CADPS2: variants seen among roughly 807,000 people sequenced by gnomAD.
The protein encoded by CADPS2 is calcium-dependent secretion activator 2.
A neutral mutation model predicts 172.5 loss-of-function variants in CADPS2; 93 were observed. The ratio of observed to expected loss-of-function variants is 0.54; its 90% CI spans 0.46 to 0.64. The LOEUF (loss-of-function observed/expected upper bound fraction) is 0.64. CADPS2 is among the 30% of genes least tolerant of loss of function. The pLI is 0.00. For synonymous variants in CADPS2, 546 were observed against 555.2 expected, an observed-to-expected ratio of 0.98 and a Z score of 0.23; for missense variants, 1,420 against 1,565.9, an observed-to-expected ratio of 0.91 and a Z score of 1.57.
intron 25 of CADPS2, 37 bp from the exon 26 acceptor site, chr7:122,361,050 T>C: frequency 1.3e-6 from 2 of 1,523,654 alleles, no homozygotes; most frequent in South Asian, 2.3e-5. Context: ...AGAATGTTAC[T>C]ATGCATACAA....
chr7:122,374,769 T>A (rs1043933179), intron 25 of CADPS2, among the ~76,000 whole-genome samples: 1 of 152,138 alleles, frequency 6.6e-6, no homozygotes, highest in African/African-American at 2.4e-5. Flanking sequence ...AGATACCTAA[T>A]GTAGGTGACG....
At chr7:122,660,194 T>C (rs1359518577) in intron 3 of CADPS2, among the ~76,000 whole-genome samples, 1 of 152,172 alleles carries the variant, frequency 6.6e-6, no homozygotes, top group Non-Finnish European at 1.5e-5. Context: ...TATAGCATAT[T>C]ATAAATGAAG....
chr7:122,666,390 CT>C (rs2081197126), intron 2 of CADPS2, among the ~76,000 whole-genome samples: 1 of 147,682 alleles, frequency 6.8e-6, no homozygotes, highest in Admixed American at 6.9e-5. Flanking sequence ...GTCACCCAGG[CT>C]GGAGTGCAAT....
intron 25 of CADPS2, among the ~76,000 whole-genome samples, chr7:122,361,908 T>C (rs2040199988): frequency 6.6e-6 from 1 of 151,962 alleles, no homozygotes; most frequent in African/African-American, 2.4e-5. Context: ...ACCCCGTCTC[T>C]ACTAAAAGTA....
rs985382665 is a variant in CADPS2 at position 122,319,713 on chromosome 7, G to C, written c.*452C>G. 1 of 152,800 alleles carries C rather than the reference G, an allele frequency of 6.5e-6. No homozygotes were observed. The highest frequency in any genetic ancestry group is 2.4e-5 in the African/African-American group (1 of 41,414). 9.5% of individuals were successfully genotyped at this position (152,800 alleles called of 1,614,324 possible). A position where few individuals can be genotyped will look rare whatever the true frequency, so the allele number is the denominator to read the frequency against. ...CTGGCACATAAATTATAATTTGTAAGGTACACACCATTTTAACAAGGATAC... is the reference window on the plus strand; with the variant it reads ...CTGGCACATAAATTATAATTTGTAACGTACACACCATTTTAACAAGGATAC... On this transcript the variant is annotated 3_prime_UTR_variant, in exon 30 of 30. Transcript: ENST00000449022.
intron 15 of CADPS2, among the ~76,000 whole-genome samples, chr7:122,443,769 TAA>T (rs1210507877): frequency 6.6e-6 from 1 of 150,644 alleles, no homozygotes; most frequent in South Asian, 2.1e-4. Flanking sequence ...TTTTGGTATT[TAA>T]ACTTTATATC....
chr7:122,831,332 C>T (rs1018112588), intron 1 of CADPS2, among the ~76,000 whole-genome samples: 1 of 152,166 alleles, frequency 6.6e-6, no homozygotes. Context: ...TGGGTGTTTT[C>T]GCTCAACTGG....
intron 27 of CADPS2, among the ~76,000 whole-genome samples, chr7:122,360,340 T>C (rs2039963026): frequency 6.6e-6 from 1 of 152,206 alleles, no homozygotes; most frequent in South Asian, 2.1e-4. Context: ...AAACAACAAA[T>C]GTTAAAATAA....
rs535566575 is a variant in CADPS2 at position 122,335,025 on chromosome 7, T to C, written c.3613-9444A>G. On this transcript the variant is annotated intron_variant, in intron 28 of 29. Coordinates refer to ENST00000449022, the MANE Select transcript of CADPS2 (RefSeq NM_017954.11). ...GTTTCAACTTTCTATTCTCACTAGATTCCTATTGAGTAATTGTGACATAGA... is the reference window on the plus strand; with the variant it reads ...GTTTCAACTTTCTATTCTCACTAGACTCCTATTGAGTAATTGTGACATAGA... Among the ~76,000 whole-genome samples, 12 of 152,290 alleles carry C rather than the reference T, an allele frequency of 7.9e-5. No homozygotes were observed. In the East Asian group the frequency reaches 1.5e-3, roughly 20 times the overall value.
intron 22 of CADPS2, among the ~76,000 whole-genome samples, chr7:122,391,347 C>G (rs1379776994): frequency 6.6e-6 from 1 of 151,832 alleles, no homozygotes. Context: ...TAAAAAAGGG[C>G]CCTCAATAAG....
At chr7:122,352,314 G>C (rs2151048881) in intron 27 of CADPS2, among the ~76,000 whole-genome samples, 1 of 152,202 alleles carries the variant, frequency 6.6e-6, no homozygotes, top group South Asian at 2.1e-4. Flanking sequence ...TACTACATGA[G>C]GACTTGAAGA....
intron 1 of CADPS2, among the ~76,000 whole-genome samples, chr7:122,821,129 A>G (rs1584639967): frequency 6.6e-6 from 1 of 151,652 alleles, no homozygotes; most frequent in African/African-American, 2.4e-5. Flanking sequence ...TCCTGATACC[A>G]CACCTGACCC....
chr7:122,635,003 C>T lies in CADPS2; in HGVS notation c.787-5675G>A, dbSNP rs111913539. 2.2e-3 allele frequency among the ~76,000 whole-genome samples: 340 copies of T among 152,178 alleles called. 3 individuals carry two copies. The highest frequency in any genetic ancestry group is 8.0e-3 in the African/African-American group (334 of 41,510). On this transcript the variant is annotated intron_variant, in intron 3 of 29. Transcript: ENST00000449022. ...TTGATTTCTACTTTTATTGCCCTGT[C>T]GTCCAAAAGGATGCTTGGTAGTATT...
chr7:122,590,033 C>T (rs779256258), intron 6 of CADPS2, among the ~76,000 whole-genome samples: 1 of 151,808 alleles, frequency 6.6e-6, no homozygotes. Context: ...GATGTTTGCA[C>T]TATGCAAAAT....
At chr7:122,817,812 T>C (rs985218936) in intron 1 of CADPS2, among the ~76,000 whole-genome samples, 5 of 151,824 alleles carry the variant, frequency 3.3e-5, no homozygotes, top group Non-Finnish European at 5.9e-5. Context: ...CAATCCCTTA[T>C]TTCCATGCCC....
chr7:122,761,102 A>C (rs2093365398), intron 1 of CADPS2, among the ~76,000 whole-genome samples: 1 of 152,134 alleles, frequency 6.6e-6, no homozygotes, highest in South Asian at 2.1e-4. Flanking sequence ...TCTCCTAACA[A>C]ATTCTACACT....
intron 9 of CADPS2, among the ~76,000 whole-genome samples, chr7:122,511,537 G>C (rs957797529): frequency 1.3e-5 from 2 of 152,108 alleles, no homozygotes; most frequent in Non-Finnish European, 2.9e-5. Context: ...CTGAACATCT[G>C]TGGTTATTGG....
At chr7:122,703,646 G>C (rs951913973) in intron 2 of CADPS2, among the ~76,000 whole-genome samples, 3 of 152,176 alleles carry the variant, frequency 2.0e-5, no homozygotes, top group African/African-American at 7.2e-5. Context: ...CCAAGGACAA[G>C]AGAAACACAC....
intron 8 of CADPS2, among the ~76,000 whole-genome samples, chr7:122,525,823 C>A (rs1214061816): frequency 6.6e-6 from 1 of 152,136 alleles, no homozygotes; most frequent in Non-Finnish European, 1.5e-5. Context: ...CATGGTACAG[C>A]CCATTTCTCC....
Sources: allele counts gnomAD v4.1 joint callset (sites outside exome capture counted in the v4.1 genomes callset), GRCh38; gene constraint gnomAD v4.1.1; transcripts MANE v1.5; gene names NCBI Gene and HGNC (gene_info 2026-07-23, HGNC 2026-07-21).